RPA3: variants seen among roughly 807,000 people sequenced by gnomAD.
The protein encoded by RPA3 is replication protein A 14 kDa subunit.
In RPA3, 24 loss-of-function variants were observed where a neutral mutation model predicts 13.7. That is an observed-to-expected ratio of 1.75 (90% CI 1.27 to 2.46). The LOEUF is 2.46. Among genes scored for constraint, RPA3 ranks in the 30% most tolerant of loss-of-function variants. The pLI, the probability that RPA3 is intolerant of heterozygous loss-of-function variation, is 0.00. For missense variants in RPA3, 183 were observed against 151.0 expected (o/e 1.21, Z -1.11); for synonymous variants, 59 against 51.2 (o/e 1.15, Z -0.65).
chr7:7,691,185 T>C (rs1563126346), intron 2 of RPA3, among the ~76,000 whole-genome samples: 1 of 152,184 alleles, frequency 6.6e-6, no homozygotes, highest in Non-Finnish European at 1.5e-5. Flanking sequence ...ATTCCAAAAT[T>C]TTCCTTAAAT....
intron 6 of RPA3, 122 bp downstream of exon 6, chr7:7,638,948 G>A (rs1784907783): frequency 3.3e-6 from 2 of 600,694 alleles, no homozygotes; most frequent in East Asian, 3.1e-5. Flanking sequence ...TTACAGCCAG[G>A]GACGTTTTAC....
chr7:7,679,691 A>T, intron 4 of RPA3, among the ~76,000 whole-genome samples: 1 of 131,448 alleles, frequency 7.6e-6, no homozygotes, highest in Non-Finnish European at 1.5e-5. Context: ...ATATATATTT[A>T]TATATTTAAT....
intron 4 of RPA3, among the ~76,000 whole-genome samples, chr7:7,671,482 A>T (rs1371363143): frequency 6.6e-6 from 1 of 152,198 alleles, no homozygotes; most frequent in African/African-American, 2.4e-5. Flanking sequence ...GCTGAGGCTG[A>T]GTTTTAATTA....
intron 2 of RPA3, among the ~76,000 whole-genome samples, chr7:7,698,919 A>G (rs776438629): frequency 7.0e-6 from 1 of 142,204 alleles, no homozygotes. Context: ...CCCAGGTCTG[A>G]TAACAGCTCA....
At chr7:7,677,225 A>G (rs953557285) in intron 4 of RPA3, among the ~76,000 whole-genome samples, 1 of 152,176 alleles carries the variant, frequency 6.6e-6, no homozygotes, top group African/African-American at 2.4e-5. Flanking sequence ...TATCACTTCA[A>G]GCAATTATTT....
At position 7,656,313 on chromosome 7, in the gene RPA3, A is replaced by AT. The variant is rs1785341419; in HGVS notation, c.-757-15139_-757-15138insA. On this transcript the variant is annotated intron_variant, in intron 4 of 7. Transcript: ENST00000223129. ...AAGAACTTGTTCATGTATTTAAAAA[A>AT]ATTTTTTTTTTGTTTTATTATACTT... Among the ~76,000 whole-genome samples the AT allele has an allele frequency of 8.6e-5, 13 of 151,646 alleles. No homozygotes were observed. In the East Asian group the frequency reaches 9.7e-4, roughly 11 times the overall value.
intron 4 of RPA3, among the ~76,000 whole-genome samples, chr7:7,642,629 C>G (rs1324726183): frequency 6.6e-6 from 1 of 152,082 alleles, no homozygotes; most frequent in Non-Finnish European, 1.5e-5. Flanking sequence ...TTTTGAGTCA[C>G]TTAAAATATT....
chr7:7,673,734 ATCT>A (rs1779672386), intron 4 of RPA3, among the ~76,000 whole-genome samples: 1 of 151,238 alleles, frequency 6.6e-6, no homozygotes, highest in Non-Finnish European at 1.5e-5. Context: ...ACTGTGGAAA[ATCT>A]AAAGTCTTCA....
intron 4 of RPA3, among the ~76,000 whole-genome samples, chr7:7,670,664 C>T (rs1779583882): frequency 6.6e-6 from 1 of 152,174 alleles, no homozygotes. Context: ...AGAGTCTGTT[C>T]ATCATGTTCA....
chr7:7,681,831 C>A (rs1779921026), intron 4 of RPA3, among the ~76,000 whole-genome samples: 1 of 152,006 alleles, frequency 6.6e-6, no homozygotes, highest in Non-Finnish European at 1.5e-5. Context: ...AGTGTAGTGG[C>A]AAGCTCATAG....
chr7:7,672,051 A>C (rs1008534828), intron 4 of RPA3, among the ~76,000 whole-genome samples: 6 of 152,188 alleles, frequency 3.9e-5, no homozygotes, highest in African/African-American at 1.4e-4. Context: ...GGTCAGGCCA[A>C]CCAGCACAAA....
chr7:7,642,909 T>C (rs972376353), intron 4 of RPA3, among the ~76,000 whole-genome samples: 1 of 152,250 alleles, frequency 6.6e-6, no homozygotes, highest in Non-Finnish European at 1.5e-5. Context: ...TGTTGTTTAA[T>C]ATTGCCAGTC....
rs536051759 is a variant in RPA3, at chr7:7,683,947, T to A, written c.-758+1883A>T. Among the ~76,000 whole-genome samples the A allele has an allele frequency of 1.5e-3, 229 of 152,290 alleles. 6 individuals carry two copies. Among genetic ancestry groups the A allele is most frequent in the Admixed American group, 0.012 (177 of 15,304 alleles). The stretch of plus-strand genomic sequence containing the variant: ...CAAAATTCATTTTCTATGAGTAATA[T>A]ACAGTTTTCCCTTGGTATCTGTGGG... On this transcript the variant is annotated intron_variant, in intron 4 of 7. Transcript: ENST00000223129.
At chr7:7,683,558 A>G (rs372791137) in intron 4 of RPA3, among the ~76,000 whole-genome samples, 82 of 152,320 alleles carry the variant, frequency 5.4e-4, no homozygotes, top group African/African-American at 1.9e-3. Context: ...AATATATTAA[A>G]TCATTAAATA....
At chr7:7,718,381 A>G (rs1780970658) in intron 1 of RPA3, 134 bp downstream of exon 1, 1 of 152,248 alleles carries the variant, frequency 6.6e-6, no homozygotes, top group African/African-American at 2.4e-5. Context: ...TCCCAGCACT[A>G]GCATGGAACA....
At chr7:7,686,705 T>C (rs1780049111) in intron 3 of RPA3, among the ~76,000 whole-genome samples, 3 of 152,212 alleles carry the variant, frequency 2.0e-5, no homozygotes, top group Non-Finnish European at 4.4e-5. Context: ...CACTGTGATA[T>C]GGGGCAGACA....
chr7:7,651,045 G>A (rs2115550267), intron 4 of RPA3, among the ~76,000 whole-genome samples: 1 of 152,264 alleles, frequency 6.6e-6, no homozygotes, highest in Non-Finnish European at 1.5e-5. Context: ...CCCCTCTGTA[G>A]CCAAAGAGAA....
chr7:7,649,158 C>CAAA (rs34943326), intron 4 of RPA3, among the ~76,000 whole-genome samples: 2,338 of 128,536 alleles, frequency 0.018, 44 homozygotes, highest in Non-Finnish European at 0.029. Flanking sequence ...GACTCCATCT[C>CAAA]AAAAAAAAAA....
intron 1 of RPA3, among the ~76,000 whole-genome samples, chr7:7,716,626 C>G (rs1394703543): frequency 6.6e-6 from 1 of 152,214 alleles, no homozygotes; most frequent in Non-Finnish European, 1.5e-5. Flanking sequence ...AGGTAGCAAA[C>G]CCATCTGCCT....
Sources: allele counts gnomAD v4.1 joint callset (sites outside exome capture counted in the v4.1 genomes callset), GRCh38; gene constraint gnomAD v4.1.1; transcripts MANE v1.5; gene names NCBI Gene and HGNC (gene_info 2026-07-23, HGNC 2026-07-21).